APBA1: variants seen among roughly 807,000 people sequenced by gnomAD.
APBA1 encodes amyloid-beta A4 precursor protein-binding family A member 1.
In APBA1, 55 loss-of-function variants were observed where a neutral mutation model predicts 86.6. That is an observed-to-expected ratio of 0.64 (90% CI 0.51 to 0.80). The LOEUF (loss-of-function observed/expected upper bound fraction) is 0.80. Ranked by LOEUF, APBA1 falls within the 30% of genes least tolerant of loss-of-function variation. The probability of loss-of-function intolerance (pLI) is 0.00; values close to 1 mark genes in which losing one functional copy is unlikely to be tolerated. For synonymous variants in APBA1, 511 were observed against 493.9 expected (o/e 1.03, Z -0.46); for missense variants, 1,090 against 1,183.0 (o/e 0.92, Z 1.15).
intron 1 of APBA1, among the ~76,000 whole-genome samples, chr9:69,654,006 A>G (rs560019705): frequency 6.6e-5 from 10 of 151,830 alleles, no homozygotes; most frequent in African/African-American, 2.2e-4. Context: ...TCCTGGCTAC[A>G]TGGGAAGCTG....
chr9:69,636,369 C>G (rs1823159345), intron 1 of APBA1, among the ~76,000 whole-genome samples: 1 of 152,102 alleles, frequency 6.6e-6, no homozygotes, highest in African/African-American at 2.4e-5. Context: ...ATATACTTAC[C>G]ATATGATTCA....
intron 1 of APBA1, among the ~76,000 whole-genome samples, chr9:69,529,417 A>C (rs1447970377): frequency 6.6e-6 from 1 of 152,112 alleles, no homozygotes; most frequent in African/African-American, 2.4e-5. Context: ...CAATTCTCTA[A>C]GTTCAGTCAT....
intron 1 of APBA1, among the ~76,000 whole-genome samples, chr9:69,561,962 T>C (rs913297790): frequency 6.6e-6 from 1 of 152,168 alleles, no homozygotes; most frequent in Non-Finnish European, 1.5e-5. Context: ...GTAATTACCA[T>C]CATCATAATC....
At chr9:69,500,271 C>T (rs1278856073) in intron 2 of APBA1, among the ~76,000 whole-genome samples, 1 of 152,122 alleles carries the variant, frequency 6.6e-6, no homozygotes, top group Admixed American at 6.5e-5. Flanking sequence ...TCGCCAGTAA[C>T]CAACCCCAAA....
intron 1 of APBA1, among the ~76,000 whole-genome samples, chr9:69,578,131 C>T (rs919063081): frequency 3.1e-4 from 47 of 152,322 alleles, no homozygotes; most frequent in African/African-American, 1.1e-3. Context: ...ATCAACCAAG[C>T]CAAATTAGGA....
intron 11 of APBA1, among the ~76,000 whole-genome samples, chr9:69,436,757 T>G (rs1413606351): frequency 2.6e-5 from 4 of 152,144 alleles, no homozygotes; most frequent in Non-Finnish European, 4.4e-5. Context: ...CCTAATTGAA[T>G]GCCCTTTATT....
intron 11 of APBA1, among the ~76,000 whole-genome samples, chr9:69,439,685 T>C (rs1471053323): frequency 1.3e-5 from 2 of 152,220 alleles, no homozygotes; most frequent in African/African-American, 2.4e-5. Context: ...TCCATTCGTC[T>C]AATTTTTTTT....
At position 69,663,626 on chromosome 9, in the gene APBA1, G is replaced by A. The variant is rs117793450; in HGVS notation, c.-70+8527C>T. On this transcript the variant is annotated intron_variant, in intron 1 of 12. Transcript: ENST00000265381. ...ATTTATCAATAGTCAGAAACATAACGATTACATTATTTGGAATGGTGGCCA... is the reference window on the plus strand; with the variant it reads ...ATTTATCAATAGTCAGAAACATAACAATTACATTATTTGGAATGGTGGCCA... Among the ~76,000 whole-genome samples, 421 of 152,194 alleles carry A rather than the reference G, an allele frequency of 2.8e-3. 1 individual carries two copies. Among genetic ancestry groups the A allele is most frequent in the Non-Finnish European group, 4.6e-3 (314 of 68,016 alleles).
intron 2 of APBA1, among the ~76,000 whole-genome samples, chr9:69,490,863 A>G (rs149169389): frequency 0.012 from 1,862 of 152,292 alleles, 45 homozygotes; most frequent in African/African-American, 0.042. Flanking sequence ...AATGCTCACC[A>G]TCACTGGCCA....
At chr9:69,441,323 G>C (rs144676914) in intron 10 of APBA1, among the ~76,000 whole-genome samples, 1 of 152,332 alleles carries the variant, frequency 6.6e-6, no homozygotes, top group African/African-American at 2.4e-5. Flanking sequence ...GTTGCAGATG[G>C]AGCCCTCTTA....
rs771537898 is a variant in APBA1, at chr9:69,516,077, G to A, written c.1134C>T (p.Ile378=). The A allele has an allele frequency of 5.6e-6, 9 of 1,612,800 alleles. No homozygotes were observed. The highest frequency in any genetic ancestry group is 5.0e-5 in the Admixed American group (3 of 59,928). Reference sequence around the variant, plus strand: ...GGCTAATGTCCTGGCGCATGACCCAGATGGGCTCTTTGGGCTCGTCGGGGG... The same window carrying A: ...GGCTAATGTCCTGGCGCATGACCCAAATGGGCTCTTTGGGCTCGTCGGGGG... The part of the protein sequence containing the change: ...PYTPDEPKEP[I]WVMRQDISPT... The change falls in exon 2 of 13, where the codon ATC becomes ATT. Residue 378 remains isoleucine, a synonymous_variant. Transcript: ENST00000265381. The surrounding 1 kb of genome is among the most constrained non-coding windows in gnomAD (Gnocchi z 7.3).
chr9:69,561,327 C>A (rs1197517185), intron 1 of APBA1, among the ~76,000 whole-genome samples: 2 of 152,104 alleles, frequency 1.3e-5, no homozygotes, highest in Admixed American at 1.3e-4. Flanking sequence ...CACTGTAGAT[C>A]AGGAAAAAAC....
At chr9:69,530,806 T>A (rs1338894185) in intron 1 of APBA1, among the ~76,000 whole-genome samples, 1 of 152,060 alleles carries the variant, frequency 6.6e-6, no homozygotes, top group African/African-American at 2.4e-5. Context: ...ACACCACTTA[T>A]CCTCCAAAAA....
chr9:69,672,994 G>A (rs527653247), upstream of APBA1: 1 of 152,430 alleles, frequency 6.6e-6, no homozygotes, highest in African/African-American at 2.4e-5. Context: ...CAAATTCGGA[G>A]ATTGACGGCG....
At chr9:69,496,412 G>T (rs1021899612) in intron 2 of APBA1, among the ~76,000 whole-genome samples, 2 of 152,066 alleles carry the variant, frequency 1.3e-5, no homozygotes, top group African/African-American at 2.4e-5. Flanking sequence ...GACACAAAGG[G>T]CCTGTGAACA....
chr9:69,519,201 AGG>A (rs1404173020), intron 1 of APBA1, among the ~76,000 whole-genome samples: 1 of 152,238 alleles, frequency 6.6e-6, no homozygotes, highest in African/African-American at 2.4e-5. Context: ...AACCAGCAGC[AGG>A]GTGGGGTGGG....
chr9:69,548,855 A>G (rs1029204116), intron 1 of APBA1, among the ~76,000 whole-genome samples: 3 of 152,206 alleles, frequency 2.0e-5, no homozygotes, highest in Non-Finnish European at 4.4e-5. Context: ...TGAGGCAAAC[A>G]AGTTCATTTG....
At position 69,433,648 on chromosome 9, in the gene APBA1, T is replaced by C. The variant is rs1389516838; in HGVS notation, c.2302-972A>G. 2.0e-5 allele frequency among the ~76,000 whole-genome samples: 3 copies of C among 152,122 alleles called. No homozygotes were observed. The East Asian group carries it at 5.8e-4, about 29-fold the overall frequency. On this transcript the variant is annotated intron_variant, in intron 11 of 12. Coordinates refer to ENST00000265381, the MANE Select transcript of APBA1 (RefSeq NM_001163.4). ...TGAAAAGATGATCTCAGAGCTAAAC[T>C]GTAAAGAGTCACCCTAGATCCTCTC...
At chr9:69,497,206 C>T (rs538195046) in intron 2 of APBA1, among the ~76,000 whole-genome samples, 1 of 152,110 alleles carries the variant, frequency 6.6e-6, no homozygotes, top group East Asian at 1.9e-4. Flanking sequence ...ATGGATAACA[C>T]CTGCGATGGA....
Sources: allele counts gnomAD v4.1 joint callset (sites outside exome capture counted in the v4.1 genomes callset), GRCh38; gene constraint gnomAD v4.1.1; non-coding constraint Gnocchi (gnomAD v3.1); transcripts MANE v1.5; gene names NCBI Gene and HGNC (gene_info 2026-07-23, HGNC 2026-07-21).